PNPLA1: variants seen among roughly 807,000 people sequenced by gnomAD.
The protein encoded by PNPLA1 is omega-hydroxyceramide transacylase.
Under a neutral mutation model 51.7 loss-of-function variants are expected in PNPLA1, and 36 were observed. The ratio of observed to expected loss-of-function variants is 0.70; its 90% CI spans 0.53 to 0.92. PNPLA1 has a LOEUF of 0.92. Among genes scored for constraint, PNPLA1 ranks in the 40% least tolerant of loss-of-function variants. The pLI, the probability that PNPLA1 is intolerant of heterozygous loss-of-function variation, is 0.00. For missense variants in PNPLA1, 658 were observed against 682.5 expected (o/e 0.96, Z 0.40); for synonymous variants, 293 against 280.1 (o/e 1.05, Z -0.46).
At chr6:36,299,290 T>A (rs1040747325) in intron 5 of PNPLA1, among the ~76,000 whole-genome samples, 2 of 152,112 alleles carry the variant, frequency 1.3e-5, no homozygotes, top group African/African-American at 2.4e-5. Context: ...GGATGAGCGT[T>A]CCCATTCCTC....
At chr6:36,246,898 G>C (rs57420421) in intron 1 of PNPLA1, among the ~76,000 whole-genome samples, 5,334 of 152,234 alleles carry the variant, frequency 0.035, 168 homozygotes, top group African/African-American at 0.083. Flanking sequence ...ATGTCTTCTT[G>C]AACGCCATCG....
intron 1 of PNPLA1, among the ~76,000 whole-genome samples, chr6:36,253,438 C>T (rs185966236): frequency 6.6e-6 from 1 of 152,210 alleles, no homozygotes; most frequent in Admixed American, 6.5e-5. Context: ...AGTCAAATAT[C>T]GAAAACAGTG....
Position 36,290,852 on chromosome 6 carries a change from C to T in PNPLA1, c.206-468C>T, listed in dbSNP as rs148123691. On this transcript the variant is annotated intron_variant, in intron 1 of 8. Transcript: ENST00000636260. ...CTTCCCTGCCCACAGACTCAGTGGGCACCAAGCAAGTATCCCAGGGCGTCA... is the reference window on the plus strand; with the variant it reads ...CTTCCCTGCCCACAGACTCAGTGGGTACCAAGCAAGTATCCCAGGGCGTCA... Among the ~76,000 whole-genome samples the T allele has an allele frequency of 2.0e-5, 3 of 152,326 alleles. No homozygotes were observed. In the East Asian group the frequency reaches 5.8e-4, roughly 29 times the overall value.
rs554388299 is a variant in PNPLA1 at position 36,307,006 on chromosome 6, C to T, written c.1470-581C>T. On this transcript the variant is annotated intron_variant, in intron 7 of 8. Transcript: ENST00000636260. ...CCAGGCTCCCTTGCTGGCTGAATGC[C>T]GTTTGTACTGGTGGTGGGGGAGGCA... 2.0e-5 allele frequency among the ~76,000 whole-genome samples: 3 copies of T among 152,252 alleles called. No homozygotes were observed. The South Asian group carries it at 6.2e-4, about 32-fold the overall frequency.
upstream of PNPLA1, among the ~76,000 whole-genome samples, chr6:36,265,493 A>G (rs1258257921): frequency 6.6e-6 from 1 of 152,252 alleles, no homozygotes; most frequent in African/African-American, 2.4e-5. Flanking sequence ...CAGAATTTTC[A>G]TGAATCAGTT....
chr6:36,309,927 T>C (rs562776449), intron 8 of PNPLA1, among the ~76,000 whole-genome samples: 1 of 152,222 alleles, frequency 6.6e-6, no homozygotes, highest in Non-Finnish European at 1.5e-5. Flanking sequence ...TGGCTAGTCC[T>C]GTGCAAACTT....
In PNPLA1 at chr6:36,270,542, A is replaced by G; in HGVS notation, c.83A>G (p.Gln28Arg). The change falls in exon 1 of 9, where the codon CAG (glutamine) becomes CGG (arginine). Residue 28 changes from glutamine (Q) to arginine (R), a missense_variant. Coordinates refer to ENST00000636260, the MANE Select transcript of PNPLA1 (RefSeq NM_001374623.1). Reference protein sequence around the residue: ...FSGSGFLSFYQAGAVDALRDL... With the variant: ...FSGSGFLSFYRAGAVDALRDL... ...GGCAGTGGATTCCTCTCCTTCTACC[A>G]GGCGGGGGCTGTGGACGCCCTGCGG... The G allele has an allele frequency of 6.4e-7, 1 of 1,551,628 alleles. No individual in the cohort carries two copies. Among genetic ancestry groups the G allele is most frequent in the Non-Finnish European group, 8.7e-7 (1 of 1,147,008 alleles).
chr6:36,307,251 A>G (rs1014494096), intron 7 of PNPLA1, among the ~76,000 whole-genome samples: 4 of 152,208 alleles, frequency 2.6e-5, no homozygotes, highest in African/African-American at 9.6e-5. Context: ...CACATTAAGT[A>G]TAATTTTAAC....
chr6:36,278,248 T>C (rs572155332), intron 1 of PNPLA1, among the ~76,000 whole-genome samples: 143 of 152,340 alleles, frequency 9.4e-4, no homozygotes, highest in African/African-American at 3.3e-3. Flanking sequence ...GTGGGTCCTA[T>C]GGCTCCCACA....
At chr6:36,307,363 A>G (rs967970398) in intron 7 of PNPLA1, among the ~76,000 whole-genome samples, 5 of 152,192 alleles carry the variant, frequency 3.3e-5, no homozygotes, top group African/African-American at 1.2e-4. Flanking sequence ...GCATTTACAT[A>G]TAACTCTATA....
At chr6:36,272,741 C>G (rs909542734) in intron 1 of PNPLA1, among the ~76,000 whole-genome samples, 8 of 152,226 alleles carry the variant, frequency 5.3e-5, no homozygotes, top group Admixed American at 5.2e-4. Flanking sequence ...GAGGGAGAGG[C>G]TGCAGATAAT....
intron 1 of PNPLA1, among the ~76,000 whole-genome samples, chr6:36,289,470 C>T (rs1770608187): frequency 6.6e-6 from 1 of 152,188 alleles, no homozygotes; most frequent in Non-Finnish European, 1.5e-5. Context: ...TCTGTTGGCA[C>T]ATGGTAAGGC....
chr6:36,271,246 T>G (rs1169675889), intron 1 of PNPLA1, among the ~76,000 whole-genome samples: 2 of 152,264 alleles, frequency 1.3e-5, no homozygotes, highest in East Asian at 3.9e-4. Flanking sequence ...TCACCTTCTG[T>G]CCTGCTGGTC....
rs1032141326 is a variant in PNPLA1 at position 36,313,710 on chromosome 6, C to T, written c.*1824C>T. 3.3e-5 allele frequency among the ~76,000 whole-genome samples: 5 copies of T among 152,318 alleles called. No individual in the cohort carries two copies. Among genetic ancestry groups the T allele is most frequent in the Admixed American group, 6.5e-5 (1 of 15,304 alleles). On this transcript the variant is annotated 3_prime_UTR_variant, in exon 9 of 9. Transcript: ENST00000636260. ...GTGGGGGAGACTGACTAGAGAGGCC[C>T]GCCCGGCCGCAGGCCTTTCTTCCAG...
intron 1 of PNPLA1, 147 bp from the exon 2 acceptor site, chr6:36,291,173 C>T (rs778272501): frequency 5.9e-5 from 38 of 641,734 alleles, no homozygotes; most frequent in Middle Eastern, 4.2e-4. Context: ...GACAGCAGGC[C>T]GATTCCTGGG....
At position 36,273,493 on chromosome 6, in the gene PNPLA1, G is replaced by A. The variant is rs1035121467; in HGVS notation, c.205+2829G>A. Reference sequence around the variant, plus strand: ...GCCCCCACTCTGTCCTGGAGTCACCGAATTCCTGCCTTGGAAACACCTGGT... The same window carrying A: ...GCCCCCACTCTGTCCTGGAGTCACCAAATTCCTGCCTTGGAAACACCTGGT... On this transcript the variant is annotated intron_variant, in intron 1 of 8. Transcript: ENST00000636260. Among the ~76,000 whole-genome samples the A allele has an allele frequency of 1.3e-4, 20 of 151,860 alleles. No individual in the cohort carries two copies. In the South Asian group the frequency reaches 2.3e-3, roughly 17 times the overall value.
At chr6:36,295,874 C>A (rs1409629711) in intron 5 of PNPLA1, among the ~76,000 whole-genome samples, 7 of 152,210 alleles carry the variant, frequency 4.6e-5, no homozygotes, top group Admixed American at 3.3e-4. Flanking sequence ...ATCAGCAAAT[C>A]ACAGAGAAGA....
upstream of PNPLA1, among the ~76,000 whole-genome samples, chr6:36,266,269 CAAA>C: frequency 6.6e-6 from 1 of 152,318 alleles, no homozygotes; most frequent in East Asian, 1.9e-4. Context: ...TCCAGACCCT[CAAA>C]AATGGTGTGA....
At chr6:36,273,247 T>TAAA (rs1165384952) in intron 1 of PNPLA1, among the ~76,000 whole-genome samples, 2 of 118,200 alleles carry the variant, frequency 1.7e-5, no homozygotes, top group Non-Finnish European at 3.5e-5. Flanking sequence ...CTCAAATAAA[T>TAAA]AAATAATAAA....
Sources: allele counts gnomAD v4.1 joint callset (sites outside exome capture counted in the v4.1 genomes callset), GRCh38; gene constraint gnomAD v4.1.1; transcripts MANE v1.5; gene names NCBI Gene and HGNC (gene_info 2026-07-23, HGNC 2026-07-21).